The following COPB2 variants were observed in gnomAD, a reference collection of about 807,000 sequenced individuals.
COPB2 encodes coat protein complex I subunit beta 2.
Under a neutral mutation model 120.8 loss-of-function variants are expected in COPB2, and 16 were observed. The observed-to-expected ratio is 0.13, with a 90% confidence interval of 0.09 to 0.20. COPB2 has a LOEUF of 0.20. Among genes scored for constraint, COPB2 ranks in the 10% least tolerant of loss-of-function variants. The pLI, the probability that COPB2 is intolerant of heterozygous loss-of-function variation, is 1.00. For synonymous variants in COPB2, 332 were observed against 366.3 expected, an observed-to-expected ratio of 0.91 and a Z score of 1.07; for missense variants, 794 against 1,076.5, an observed-to-expected ratio of 0.74 and a Z score of 3.67.
chr3:139,376,058 T>C (rs1941708180), intron 5 of COPB2, among the ~76,000 whole-genome samples: 1 of 152,156 alleles, frequency 6.6e-6, no homozygotes, highest in African/African-American at 2.4e-5. Flanking sequence ...AAGACCAACC[T>C]GGACAACACA....
Position 139,377,996 on chromosome 3 carries a change from T to C in COPB2, c.504+45A>G. 3.4e-6 allele frequency: 5 copies of C among 1,476,436 alleles called. No individual in the cohort carries two copies. The South Asian group carries it at 4.4e-5, about 13-fold the overall frequency. 91.5% of individuals were successfully genotyped at this position (1,476,436 alleles called of 1,614,324 possible). On this transcript the variant is annotated intron_variant, in intron 5 of 21. Coordinates refer to ENST00000333188, the MANE Select transcript of COPB2 (RefSeq NM_004766.3). ...AACAGTAAAACACCTAAGGCAAGTATAGTTCACTAATAATGATAACTGACA... is the reference window on the plus strand; with the variant it reads ...AACAGTAAAACACCTAAGGCAAGTACAGTTCACTAATAATGATAACTGACA...
At chr3:139,372,109 G>C (rs574785179) in intron 9 of COPB2, among the ~76,000 whole-genome samples, 1 of 152,312 alleles carries the variant, frequency 6.6e-6, no homozygotes, top group Admixed American at 6.5e-5. Flanking sequence ...ACTGGAGGCA[G>C]GAAGGTGAGA....
At chr3:139,373,179 C>T (rs1941652561) in intron 9 of COPB2, 34 bp downstream of exon 9, 6 of 1,605,782 alleles carry the variant, frequency 3.7e-6, no homozygotes, top group Admixed American at 1.7e-5. Context: ...CTAACATACA[C>T]AGAAGCTGAG....
At chr3:139,358,709 T>A in intron 20 of COPB2, 35 bp downstream of exon 20, 2 of 1,464,016 alleles carry the variant, frequency 1.4e-6, no homozygotes, top group Non-Finnish European at 1.9e-6. Context: ...GTGAACCATC[T>A]CAGCCAAATT....
Position 139,367,000 on chromosome 3 carries a change from A to G in COPB2, c.1676+15T>C. 1 of 1,596,430 alleles carries G rather than the reference A, an allele frequency of 6.3e-7. No homozygotes were observed. Among genetic ancestry groups the G allele is most frequent in the Non-Finnish European group, 8.5e-7 (1 of 1,173,372 alleles). On this transcript the variant is annotated intron_variant, in intron 14 of 21. Transcript: ENST00000333188. ...CTTTAAAATTTAGGACAAATGCAAA[A>G]TGATACTCAGGTACCTGTCCAAGTG... is the stretch of plus-strand genomic sequence containing the variant.
rs1186765676 is a variant in COPB2, at chr3:139,374,608, A to G, written c.652-20T>C. ...TTTATTCTGTAATTAAGACATAGAA[A>G]ACATGTTTTATTAATGAAAAACATG... On this transcript the variant is annotated intron_variant, in intron 6 of 21. Transcript: ENST00000333188. 1 of 1,596,622 alleles carries G rather than the reference A, an allele frequency of 6.3e-7. No individual in the cohort carries two copies.
intron 10 of COPB2, 71 bp downstream of exon 10, chr3:139,371,652 T>C (rs568312944): frequency 1.5e-6 from 2 of 1,299,004 alleles, no homozygotes; most frequent in Admixed American, 1.7e-5. Context: ...CATCAAGCCT[T>C]GAGAGTCTTC....
At position 139,361,219 on chromosome 3, in the gene COPB2, T is replaced by C. The variant is rs777212739; in HGVS notation, c.2072A>G (p.His691Arg). ...CAGGCCCCCATAATCCTGTGCATGA[T>C]GCAGGCACTCCTGGGCTAGGCCAAA... The part of the protein sequence containing the change: ...CQFGLAQECL[H>R]HAQDYGGLLL... The change falls in exon 17 of 22, where the codon CAT becomes CGT. Residue 691 changes from histidine (H) to arginine (R), a missense_variant. Transcript: ENST00000333188. 1 of 1,614,250 alleles carries C rather than the reference T, an allele frequency of 6.2e-7. No homozygotes were observed. The highest frequency in any genetic ancestry group is 8.5e-7 in the Non-Finnish European group (1 of 1,180,048).
chr3:139,364,415 G>A (rs1941480228), intron 15 of COPB2, among the ~76,000 whole-genome samples: 1 of 152,106 alleles, frequency 6.6e-6, no homozygotes, highest in African/African-American at 2.4e-5. Flanking sequence ...CACACTTGGA[G>A]GAAAAAGTAC....
At chr3:139,384,284 T>G (rs1249266448) in intron 1 of COPB2, among the ~76,000 whole-genome samples, 1 of 152,222 alleles carries the variant, frequency 6.6e-6, no homozygotes, top group Non-Finnish European at 1.5e-5. Flanking sequence ...CACTGAATTA[T>G]GCACATCTTC....
rs772444645 is a variant in COPB2, at chr3:139,358,768, C to A, written c.2529G>T (p.Gln843His). 1.2e-6 allele frequency: 2 copies of A among 1,613,164 alleles called. No individual in the cohort carries two copies. The highest frequency in any genetic ancestry group is 2.2e-5 in the South Asian group (2 of 91,066). ...CCTGTTGAGCTGTAGATCTTGAGGG[C>A]TGAAAGTCTTTTCCCTCTTCCATGA... ...RNVMEEGKDF[Q>H]PSRSTAQQEL... The change falls in exon 20 of 22, where the codon CAG (glutamine) becomes CAT (histidine). Residue 843 changes from glutamine (Q) to histidine (H), a missense_variant. Coordinates refer to ENST00000333188, the MANE Select transcript of COPB2 (RefSeq NM_004766.3).
chr3:139,360,192 TA>T (rs10665711), intron 17 of COPB2, among the ~76,000 whole-genome samples: 73,901 of 147,370 alleles, frequency 0.5, 19,345 homozygotes, highest in East Asian at 0.92. Context: ...TATGGGATTG[TA>T]AAAAAAAAAA....
Position 139,374,483 on chromosome 3 carries a change from A to C in COPB2, c.751+6T>G. On this transcript the variant is annotated splice_donor_region_variant and intron_variant, in intron 7 of 21. Coordinates refer to ENST00000333188, the MANE Select transcript of COPB2 (RefSeq NM_004766.3). ...GCACAGGAATAAACATACCCTTCTAACTTACCATCTTCTGAACCTGTGATA... is the reference window on the plus strand; with the variant it reads ...GCACAGGAATAAACATACCCTTCTACCTTACCATCTTCTGAACCTGTGATA... The C allele has an allele frequency of 6.2e-7, 1 of 1,613,002 alleles. No individual in the cohort carries two copies. Among genetic ancestry groups the C allele is most frequent in the Non-Finnish European group, 8.5e-7 (1 of 1,179,028 alleles).
At chr3:139,358,150 T>G in intron 21 of COPB2, 50 bp downstream of exon 21, 1 of 1,504,564 alleles carries the variant, frequency 6.6e-7, no homozygotes, top group Non-Finnish European at 9.3e-7. Context: ...CAGATATTGA[T>G]GGGGAGGAAG....
rs1576371964 is a variant in COPB2 at position 139,367,205 on chromosome 3, A to C, written c.1546-60T>G. Reference sequence around the variant, plus strand: ...CAACATCAGAAATCTCTCAATAAAAAGCTGAATATATCTGAGGGTGATATG... The same window carrying C: ...CAACATCAGAAATCTCTCAATAAAACGCTGAATATATCTGAGGGTGATATG... On this transcript the variant is annotated intron_variant, in intron 13 of 21. Coordinates refer to ENST00000333188, the MANE Select transcript of COPB2 (RefSeq NM_004766.3). 1.9e-6 allele frequency: 3 copies of C among 1,579,198 alleles called. No individual in the cohort carries two copies. The East Asian group carries it at 6.7e-5, about 35-fold the overall frequency.
intron 15 of COPB2, among the ~76,000 whole-genome samples, chr3:139,363,708 T>C (rs1369515612): frequency 2.0e-5 from 3 of 152,186 alleles, no homozygotes; most frequent in African/African-American, 7.2e-5. Context: ...ATAGTCAAGA[T>C]TGAGAAGCTG....
Position 139,358,240 on chromosome 3 carries a change from G to A in COPB2, c.2585C>T (p.Pro862Leu), listed in dbSNP as rs373188252. 15 of 1,613,998 alleles carry A rather than the reference G, an allele frequency of 9.3e-6. No individual in the cohort carries two copies. The highest frequency in any genetic ancestry group is 1.7e-5 in the Admixed American group (1 of 60,006). The change falls in exon 21 of 22, where the codon CCG (proline) becomes CTG (leucine). Residue 862 changes from proline (P) to leucine (L), a missense_variant. Physicochemically the swap from Pro to Leu is moderately conservative, Grantham distance 98. Coordinates refer to ENST00000333188, the MANE Select transcript of COPB2 (RefSeq NM_004766.3). ...ELDGKPASPT[P>L]VIVASHTANK... The stretch of plus-strand genomic sequence containing the variant: ...GGCTGTGTGGGAGGCCACAATAACC[G>A]GAGTAGGAGAAGCAGGTTTCCCATC...
intron 5 of COPB2, among the ~76,000 whole-genome samples, chr3:139,376,931 A>G (rs1941724080): frequency 6.6e-6 from 1 of 152,146 alleles, no homozygotes; most frequent in Admixed American, 6.5e-5. Flanking sequence ...TTGTATTTTT[A>G]GTAGAGACGG....
rs780164299 is a variant in COPB2 at position 139,373,293 on chromosome 3, A to G, written c.1014T>C (p.Gly338=). 3.7e-6 allele frequency: 6 copies of G among 1,613,950 alleles called. No homozygotes were observed. The Admixed American group carries it at 5.0e-5, about 13-fold the overall frequency. ...KAMGDAEIKD[G]ERLPLAVKDM... is the part of the protein sequence containing the mutation. The stretch of plus-strand genomic sequence containing the variant: ...CCTTTACTGCCAGTGGCAATCTTTC[A>G]CCATCTTTAATTTCAGCATCTCCCA... The change falls in exon 9 of 22, where the codon GGT becomes GGC. Residue 338 remains glycine (G), a synonymous_variant. Transcript: ENST00000333188.
Sources: gnomAD v4.1 joint callset for allele counts (sites outside exome capture counted in the v4.1 genomes callset) on GRCh38, gnomAD v4.1.1 for gene constraint, MANE v1.5 for transcripts, NCBI Gene and HGNC (gene_info 2026-07-23, HGNC 2026-07-21) for gene names.